The following GLI3 variants were observed in gnomAD, a reference collection of about 807,000 sequenced individuals.
GLI3 encodes transcription activator GLI3.
In GLI3, 20 loss-of-function variants were observed where a neutral mutation model predicts 100.8. That is an observed-to-expected ratio of 0.20 (90% CI 0.14 to 0.29). The LOEUF (loss-of-function observed/expected upper bound fraction) is 0.29, where lower values mean the gene tolerates loss of function less well. Ranked by LOEUF, GLI3 falls within the 10% of genes least tolerant of loss-of-function variation. The probability of loss-of-function intolerance (pLI) is 1.00; values close to 1 mark genes in which losing one functional copy is unlikely to be tolerated. For missense variants in GLI3, 2,040 were observed against 2,128.5 expected (o/e 0.96, Z 0.82); for synonymous variants, 938 against 860.5 (o/e 1.09, Z -1.58).
At position 42,082,279 on chromosome 7, in the gene GLI3, G is replaced by A. The variant is rs527876886; in HGVS notation, c.368-5422C>T. 3.3e-5 allele frequency among the ~76,000 whole-genome samples: 5 copies of A among 152,102 alleles called. No homozygotes were observed. In the South Asian group the frequency reaches 6.2e-4, roughly 19 times the overall value. ...TGGAGCTTCTCCAGTCATCATCCTC[G>A]TGCCTGCAAGTCGTTTTTCCAGGGC... On this transcript the variant is annotated intron_variant, in intron 3 of 14. Coordinates refer to ENST00000395925, the MANE Select transcript of GLI3 (RefSeq NM_000168.6).
intron 10 of GLI3, among the ~76,000 whole-genome samples, chr7:42,012,504 G>GT (rs1788646119): frequency 6.6e-6 from 1 of 152,152 alleles, no homozygotes; most frequent in Non-Finnish European, 1.5e-5. Context: ...TCACAAATCA[G>GT]TAGGACCTAG....
In GLI3 at chr7:42,023,490, T is replaced by C. The variant is rs1583801083; in HGVS notation, c.1475A>G (p.Asp492Gly). Residue 492 changes from aspartate (D) to glycine (G), a missense_variant, in exon 10 of 15, where the codon GAC becomes GGC. Asp to Gly is a moderately conservative substitution (Grantham distance 94). Transcript: ENST00000395925. ...CHWEGCAREF[D>G]TQEQLVHHIN... is the part of the protein sequence containing the mutation. ...TACGTGCACAAGCTGCTCTTGGGTG[T>C]CGAACTCCCTCGCGCAGCCTTCCCA... 2.5e-6 allele frequency: 4 copies of C among 1,614,192 alleles called. No homozygotes were observed. The East Asian group carries it at 8.9e-5, about 36-fold the overall frequency.
At chr7:42,195,771 A>G (rs1787916617) in intron 2 of GLI3, among the ~76,000 whole-genome samples, 1 of 152,226 alleles carries the variant, frequency 6.6e-6, no homozygotes. Context: ...CACATAGGAC[A>G]TACATGAAAA....
Position 42,237,149 on chromosome 7 carries a change from G to T in GLI3, c.-221C>A. On this transcript the variant is annotated 5_prime_UTR_variant, in exon 1 of 15. Transcript: ENST00000395925. ...CGGCGCGGGCGGCCGCGGGGCGCGC[G>T]GGGAAGGCGGGAGAGCGGCGCGGGT... is the stretch of plus-strand genomic sequence containing the variant. 6.7e-6 allele frequency: 1 copy of T among 149,172 alleles called. No individual in the cohort carries two copies. Among genetic ancestry groups the T allele is most frequent in the South Asian group, 1.8e-4 (1 of 5,448 alleles). 9.2% of individuals were successfully genotyped at this position (149,172 alleles called of 1,614,324 possible). A position where few individuals can be genotyped will look rare whatever the true frequency, so the allele number is the denominator to read the frequency against.
intron 3 of GLI3, among the ~76,000 whole-genome samples, chr7:42,134,080 C>CAAAA (rs11441623): frequency 9.1e-6 from 1 of 109,412 alleles, no homozygotes; most frequent in Non-Finnish European, 1.8e-5. Flanking sequence ...GACTCTGTCT[C>CAAAA]AAAAAAAAAA....
chr7:42,231,699 T>A (rs577217212), intron 1 of GLI3, among the ~76,000 whole-genome samples: 1 of 152,220 alleles, frequency 6.6e-6, no homozygotes, highest in Non-Finnish European at 1.5e-5. Context: ...ACTGCTAACT[T>A]TCTTCAGACT....
chr7:42,017,865 GA>G (rs1788811994), intron 10 of GLI3, among the ~76,000 whole-genome samples: 1 of 152,198 alleles, frequency 6.6e-6, no homozygotes, highest in Non-Finnish European at 1.5e-5. Context: ...ACCTCTTCGA[GA>G]CCCTCTGTCT....
intron 2 of GLI3, among the ~76,000 whole-genome samples, chr7:42,207,049 A>G (rs1333612404): frequency 6.6e-6 from 1 of 152,174 alleles, no homozygotes; most frequent in African/African-American, 2.4e-5. Flanking sequence ...TACAGAAAAT[A>G]CCAAGTGTTG....
chr7:42,089,297 T>G (rs846312), intron 3 of GLI3, among the ~76,000 whole-genome samples: 1 of 152,086 alleles, frequency 6.6e-6, no homozygotes, highest in South Asian at 2.1e-4. Context: ...ACACTCATTT[T>G]GAGAGTGCAA....
At chr7:42,254,430 G>A (rs543757172) in intron 1 of GLI3, among the ~76,000 whole-genome samples, 1 of 152,182 alleles carries the variant, frequency 6.6e-6, no homozygotes, top group Non-Finnish European at 1.5e-5. Flanking sequence ...GGAAAAGAGA[G>A]TATTTCAAAA....
chr7:42,025,206 C>T (rs1789074867), intron 9 of GLI3, 58 bp downstream of exon 9: 9 of 1,170,668 alleles, frequency 7.7e-6, no homozygotes, highest in Non-Finnish European at 1.2e-5. Context: ...GGGAGCTGAC[C>T]CAAAGACACC....
At chr7:42,009,211 T>C (rs1206491700) in intron 10 of GLI3, among the ~76,000 whole-genome samples, 1 of 152,228 alleles carries the variant, frequency 6.6e-6, no homozygotes, top group East Asian at 1.9e-4. Flanking sequence ...TCAATCATAT[T>C]TACTGTATTT....
rs1376725126 is a variant in GLI3 at position 41,964,588 on chromosome 7, G to A, written c.4485C>T (p.Asp1495=). ...TCTGTACCCCTTCCAGGTCATGGCTGTCGAGGCTGTCCACTGTGCTTGTCA... is the reference window on the plus strand; with the variant it reads ...TCTGTACCCCTTCCAGGTCATGGCTATCGAGGCTGTCCACTGTGCTTGTCA... ...NQVTSTVDSL[D]SHDLEGVQID... The change falls in exon 15 of 15, where the codon GAC becomes GAT. Residue 1495 remains aspartate (D), a synonymous_variant. Transcript: ENST00000395925. 4 of 1,614,006 alleles carry A rather than the reference G, an allele frequency of 2.5e-6. No homozygotes were observed. The highest frequency in any genetic ancestry group is 3.4e-6 in the Non-Finnish European group (4 of 1,179,954).
At chr7:42,108,325 T>C (rs1785624440) in intron 3 of GLI3, among the ~76,000 whole-genome samples, 1 of 152,216 alleles carries the variant, frequency 6.6e-6, no homozygotes. Flanking sequence ...TTAAAAATGA[T>C]ATGTTATGCC....
chr7:42,182,644 G>GTATATA (rs764864618), intron 2 of GLI3, among the ~76,000 whole-genome samples: 2,570 of 51,102 alleles, frequency 0.05, 83 homozygotes, highest in South Asian at 0.075. Flanking sequence ...ATATGTGTGT[G>GTATATA]TATATATATA....
At chr7:42,227,289 T>C (rs1409760270) in intron 1 of GLI3, among the ~76,000 whole-genome samples, 1 of 151,428 alleles carries the variant, frequency 6.6e-6, no homozygotes, top group Non-Finnish European at 1.5e-5. Flanking sequence ...GAAAAATGTT[T>C]GTAGCTGATG....
intron 12 of GLI3, among the ~76,000 whole-genome samples, chr7:41,975,033 GC>G: frequency 6.6e-6 from 1 of 152,318 alleles, no homozygotes; most frequent in Non-Finnish European, 1.5e-5. Context: ...GAAAGAGGGA[GC>G]CATTGCAGCT....
At chr7:42,182,717 TACACAC>T (rs66997611) in intron 2 of GLI3, among the ~76,000 whole-genome samples, 5,290 of 118,582 alleles carry the variant, frequency 0.045, 225 homozygotes, top group East Asian at 0.19. Flanking sequence ...CACATATAAA[TACACAC>T]ACACACACAC....
chr7:42,055,437 G>A (rs541801404), intron 4 of GLI3, among the ~76,000 whole-genome samples: 2 of 152,024 alleles, frequency 1.3e-5, no homozygotes, highest in Non-Finnish European at 2.9e-5. Flanking sequence ...GGGAAGCAAG[G>A]CAGGAGATGG....
Sources: allele counts gnomAD v4.1 joint callset (sites outside exome capture counted in the v4.1 genomes callset), GRCh38; gene constraint gnomAD v4.1.1; transcripts MANE v1.5; gene names NCBI Gene and HGNC (gene_info 2026-07-23, HGNC 2026-07-21).